Variants in MAPK8 observed in about 807,000 individuals in gnomAD.
MAPK8 encodes mitogen-activated protein kinase 8, also known as JUN N-terminal kinase.
In MAPK8, 13 loss-of-function variants were observed where a neutral mutation model predicts 52.9. The ratio of observed to expected loss-of-function variants is 0.25; its 90% CI spans 0.16 to 0.39. MAPK8 has a LOEUF of 0.39. Ranked by LOEUF, MAPK8 falls within the 10% of genes least tolerant of loss-of-function variation. MAPK8 has a pLI of 1.00. For synonymous variants in MAPK8, 191 were observed against 169.8 expected, an observed-to-expected ratio of 1.12 and a Z score of -0.97; for missense variants, 300 against 519.2, an observed-to-expected ratio of 0.58 and a Z score of 4.10.
At chr10:48,354,652 G>A (rs1480179765) in intron 1 of MAPK8, among the ~76,000 whole-genome samples, 3 of 152,080 alleles carry the variant, frequency 2.0e-5, no homozygotes, top group East Asian at 1.9e-4. Context: ...TTTGCTGGTC[G>A]GGAACCACAC....
intron 1 of MAPK8, among the ~76,000 whole-genome samples, chr10:48,311,404 C>G (rs1335391433): frequency 6.6e-6 from 1 of 152,166 alleles, no homozygotes; most frequent in African/African-American, 2.4e-5. Context: ...CAGTAATCCT[C>G]TCTATCTTAA....
Position 48,435,177 on chromosome 10 carries a change from A to G in MAPK8, c.*148A>G. 2 of 572,510 alleles carry G rather than the reference A, an allele frequency of 3.5e-6. No homozygotes were observed. The highest frequency in any genetic ancestry group is 5.7e-6 in the Non-Finnish European group (2 of 352,192). 35.5% of individuals were successfully genotyped at this position (572,510 alleles called of 1,614,324 possible). On this transcript the variant is annotated 3_prime_UTR_variant, in exon 12 of 12. Coordinates refer to ENST00000374189, the MANE Select transcript of MAPK8 (RefSeq NM_001323329.2). ...GTAGTAAAGTAGTTTATTTTTTTTA[A>G]TTTCAAGTGATGTAATTTAAAACCT...
intron 1 of MAPK8, among the ~76,000 whole-genome samples, chr10:48,315,928 C>T (rs1259649710): frequency 6.6e-6 from 1 of 151,924 alleles, no homozygotes; most frequent in African/African-American, 2.4e-5. Context: ...GCCAAAATAT[C>T]TGTTTATCTG....
chr10:48,382,450 TACAA>T (rs1237369104), intron 1 of MAPK8, among the ~76,000 whole-genome samples: 1 of 152,082 alleles, frequency 6.6e-6, no homozygotes, highest in African/African-American at 2.4e-5. Context: ...TACATAAAAA[TACAA>T]ACATAAGTGA....
chr10:48,415,034 T>TTAA (rs1564605950), intron 5 of MAPK8, among the ~76,000 whole-genome samples: 1 of 152,204 alleles, frequency 6.6e-6, no homozygotes, highest in African/African-American at 2.4e-5. Flanking sequence ...GCTTTTTTTT[T>TTAA]AAGTGAACAA....
At chr10:48,330,656 G>A (rs950194530) in intron 1 of MAPK8, among the ~76,000 whole-genome samples, 2 of 152,146 alleles carry the variant, frequency 1.3e-5, no homozygotes, top group African/African-American at 2.4e-5. Context: ...AGGCACACCC[G>A]GGGCAGGTAC....
At position 48,367,311 on chromosome 10, in the gene MAPK8, G is replaced by A. The variant is rs565866992; in HGVS notation, c.-49-34301G>A. On this transcript the variant is annotated intron_variant, in intron 1 of 11. Transcript: ENST00000374189. ...AGCCCAGGAGTTTGGGGCTGCAAGT[G>A]AGCCATGCTTGTGCCGTTGCATTCC... Among the ~76,000 whole-genome samples, 6 of 152,158 alleles carry A rather than the reference G, an allele frequency of 3.9e-5. No homozygotes were observed. In the East Asian group the frequency reaches 9.6e-4, roughly 24 times the overall value.
chr10:48,432,558 G>A (rs1472313697), intron 11 of MAPK8, among the ~76,000 whole-genome samples: 1 of 152,080 alleles, frequency 6.6e-6, no homozygotes, highest in East Asian at 1.9e-4. Flanking sequence ...AATTAGCTTT[G>A]TATTGCTATA....
chr10:48,410,900 G>C (rs1240421511), intron 5 of MAPK8, among the ~76,000 whole-genome samples: 1 of 152,126 alleles, frequency 6.6e-6, no homozygotes, highest in Non-Finnish European at 1.5e-5. Flanking sequence ...CATTTTTCAT[G>C]TGCTTGTGGC....
At chr10:48,425,711 T>C (rs1396002704) in intron 7 of MAPK8, 177 bp from the exon 8 acceptor site, 1 of 449,558 alleles carries the variant, frequency 2.2e-6, no homozygotes, top group Non-Finnish European at 3.9e-6. Flanking sequence ...GCTTATTTAT[T>C]GATCATTTCT....
In MAPK8 at chr10:48,422,382, A is replaced by G. The variant is rs147583040; in HGVS notation, c.617-1706A>G. Among the ~76,000 whole-genome samples the G allele has an allele frequency of 1.6e-3, 251 of 152,250 alleles. 2 individuals carry two copies. The highest frequency in any genetic ancestry group is 0.01 in the South Asian group (49 of 4,826). On this transcript the variant is annotated intron_variant, in intron 6 of 11. Transcript: ENST00000374189. ...CTTTATGTACCTTTTATTGCAGGCT[A>G]CTCAGAGCATTTTGGAAAGCAGTGT...
intron 6 of MAPK8, 64 bp from the exon 7 acceptor site, chr10:48,424,024 A>G: frequency 7.7e-7 from 1 of 1,303,020 alleles, no homozygotes; most frequent in South Asian, 1.3e-5. Flanking sequence ...CAGTCATATT[A>G]TGCTTCTTTG....
At chr10:48,376,549 C>A (rs2040674755) in intron 1 of MAPK8, among the ~76,000 whole-genome samples, 2 of 152,054 alleles carry the variant, frequency 1.3e-5, no homozygotes, top group South Asian at 4.2e-4. Flanking sequence ...AAAAAGCAAC[C>A]CCATCAAAAA....
At chr10:48,420,851 A>G (rs1201751460) in intron 6 of MAPK8, among the ~76,000 whole-genome samples, 1 of 152,220 alleles carries the variant, frequency 6.6e-6, no homozygotes, top group Admixed American at 6.5e-5. Flanking sequence ...AGCCTTAAGG[A>G]AATGACTTTT....
intron 1 of MAPK8, among the ~76,000 whole-genome samples, chr10:48,358,048 G>T (rs1290697239): frequency 2.0e-5 from 3 of 152,148 alleles, no homozygotes; most frequent in Non-Finnish European, 4.4e-5. Flanking sequence ...ACCACATTTT[G>T]TTTATCCAGT....
chr10:48,325,603 C>T (rs1430000163), intron 1 of MAPK8, among the ~76,000 whole-genome samples: 2 of 152,124 alleles, frequency 1.3e-5, no homozygotes, highest in Admixed American at 6.5e-5. Flanking sequence ...CCCAATTTCT[C>T]CTATAATTAA....
At chr10:48,366,342 A>G (rs537349128) in intron 1 of MAPK8, among the ~76,000 whole-genome samples, 1 of 152,324 alleles carries the variant, frequency 6.6e-6, no homozygotes, top group South Asian at 2.1e-4. Flanking sequence ...GCACTCTAAG[A>G]TGGTTCAGAA....
At chr10:48,312,653 A>T (rs1228198536) in intron 1 of MAPK8, among the ~76,000 whole-genome samples, 2 of 152,340 alleles carry the variant, frequency 1.3e-5, no homozygotes, top group Admixed American at 1.3e-4. Flanking sequence ...TTCAGATGCC[A>T]TTGGGTCAAC....
At chr10:48,379,952 A>AC (rs1420451001) in intron 1 of MAPK8, among the ~76,000 whole-genome samples, 12 of 151,634 alleles carry the variant, frequency 7.9e-5, no homozygotes, top group East Asian at 7.7e-4. Flanking sequence ...AAAAAAAAAA[A>AC]AAAAAAACAG....
Sources: gnomAD v4.1 joint callset for allele counts (sites outside exome capture counted in the v4.1 genomes callset) on GRCh38, gnomAD v4.1.1 for gene constraint, MANE v1.5 for transcripts, NCBI Gene and HGNC (gene_info 2026-07-23, HGNC 2026-07-21) for gene names.